The following LRRN1 variants were observed in gnomAD, a reference collection of about 807,000 sequenced individuals.
The protein encoded by LRRN1 is leucine-rich repeat neuronal protein 1.
LRRN1 carries 14 observed loss-of-function variants against 45.8 expected under a neutral mutation model. The ratio of observed to expected loss-of-function variants is 0.31; its 90% confidence interval spans 0.20 to 0.48. The LOEUF (loss-of-function observed/expected upper bound fraction) is 0.48. Among genes scored for constraint, LRRN1 ranks in the 20% least tolerant of loss-of-function variants. The probability of loss-of-function intolerance (pLI) is 0.99; values close to 1 mark genes in which losing one functional copy is unlikely to be tolerated. For synonymous variants in LRRN1, 359 were observed against 330.1 expected, an observed-to-expected ratio of 1.09 and a Z score of -0.95; for missense variants, 789 against 874.2, an observed-to-expected ratio of 0.90 and a Z score of 1.23.
Position 3,843,482 on chromosome 3 carries a change from A to G in LRRN1, c.-278-882A>G, listed in dbSNP as rs543612083. ...AACTGTGAATATTTAGAATATTCAC[A>G]GAATTGTGCAACCATCACCACAATC... On this transcript the variant is annotated intron_variant, in intron 1 of 1. Transcript: ENST00000319331. Among the ~76,000 whole-genome samples the G allele has an allele frequency of 3.9e-5, 6 of 152,324 alleles. No homozygotes were observed. The East Asian group carries it at 9.6e-4, about 24-fold the overall frequency.
Position 3,844,776 on chromosome 3 carries a change from C to G in LRRN1, c.135C>G (p.Thr45=). 4.3e-6 allele frequency: 7 copies of G among 1,614,074 alleles called. No individual in the cohort carries two copies. Among genetic ancestry groups the G allele is most frequent in the Non-Finnish European group, 5.9e-6 (7 of 1,180,000 alleles). Reference sequence around the variant, plus strand: ...TATGTGAAATTCGTCCCTGGTTTACCCCACAGTCAACTTACAGAGAAGCCA... The same window carrying G: ...TATGTGAAATTCGTCCCTGGTTTACGCCACAGTCAACTTACAGAGAAGCCA... The part of the protein sequence containing the change: ...LCVCEIRPWF[T]PQSTYREATT... The change falls in exon 2 of 2, where the codon ACC becomes ACG. Residue 45 remains threonine (T), a synonymous_variant. Coordinates refer to ENST00000319331, the MANE Select transcript of LRRN1 (RefSeq NM_020873.7).
At chr3:3,821,121 G>C (rs1693094549) in intron 1 of LRRN1, among the ~76,000 whole-genome samples, 1 of 152,216 alleles carries the variant, frequency 6.6e-6, no homozygotes, top group Non-Finnish European at 1.5e-5. Context: ...GCATGAGAAT[G>C]TGCATTCCCT....
intron 1 of LRRN1, among the ~76,000 whole-genome samples, chr3:3,807,872 C>G (rs747148322): frequency 3.3e-5 from 5 of 152,164 alleles, no homozygotes; most frequent in Admixed American, 1.3e-4. Flanking sequence ...GCCTAACCCC[C>G]CAAAGGACCA....
At position 3,799,452 on chromosome 3, in the gene LRRN1, G is replaced by C. The variant is rs1185764105; in HGVS notation, c.-746G>C. On this transcript the variant is annotated 5_prime_UTR_variant, in exon 1 of 2. Transcript: ENST00000319331. The stretch of plus-strand genomic sequence containing the variant: ...CGGGGAGCACAAAGCGGGGCGCACC[G>C]CGGGCGCCGGCAACGAGCCGGTGAA... 2.0e-5 allele frequency: 3 copies of C among 151,918 alleles called. No homozygotes were observed. Among genetic ancestry groups the C allele is most frequent in the Non-Finnish European group, 4.4e-5 (3 of 67,942 alleles). The allele number at this position is 151,918 out of a possible 1,614,324, so 9.4% of individuals were successfully genotyped here. A position where few individuals can be genotyped will look rare whatever the true frequency, so the allele number is the denominator to read the frequency against.
intron 1 of LRRN1, among the ~76,000 whole-genome samples, chr3:3,805,974 A>G (rs1388108521): frequency 6.6e-6 from 1 of 152,180 alleles, no homozygotes; most frequent in Non-Finnish European, 1.5e-5. Context: ...GTATTTATTG[A>G]GTGCTCTGTA....
chr3:3,830,328 A>G (rs1025766952), intron 1 of LRRN1, among the ~76,000 whole-genome samples: 1 of 152,224 alleles, frequency 6.6e-6, no homozygotes, highest in Non-Finnish European at 1.5e-5. Flanking sequence ...GTCCCTGACC[A>G]TCCAGCCAAA....
chr3:3,838,433 G>A (rs1242519755), intron 1 of LRRN1, among the ~76,000 whole-genome samples: 1 of 152,126 alleles, frequency 6.6e-6, no homozygotes, highest in Admixed American at 6.5e-5. Flanking sequence ...TTTGTCAATG[G>A]ACATTTGGGC....
intron 1 of LRRN1, among the ~76,000 whole-genome samples, chr3:3,826,494 C>T (rs964519547): frequency 2.6e-5 from 4 of 152,142 alleles, no homozygotes; most frequent in African/African-American, 7.2e-5. Flanking sequence ...AGATGTGTGG[C>T]CGCCCTGCTT....
rs759814840 is a variant in LRRN1 at position 3,846,599 on chromosome 3, C to T, written c.1958C>T (p.Ala653Val). Residue 653 changes from alanine to valine, a missense_variant, in exon 2 of 2, where the codon GCC becomes GTC. Ala to Val is a moderately conservative substitution (Grantham distance 64). Transcript: ENST00000319331. This position sits in a 1 kb window ranked among gnomAD's most constrained non-coding sequence, Gnocchi z 5.7. ...ISLASIAVYFAKRFKRKNYHH... is the reference protein window; with the variant it reads ...ISLASIAVYFVKRFKRKNYHH... ...CTTGCGTCCATTGCTGTGTACTTTGCCAAAAGATTTAAGAGAAAAAACTAC... is the reference window on the plus strand; with the variant it reads ...CTTGCGTCCATTGCTGTGTACTTTGTCAAAAGATTTAAGAGAAAAAACTAC... 4 of 1,613,842 alleles carry T rather than the reference C, an allele frequency of 2.5e-6. No homozygotes were observed. The African/African-American group carries it at 5.3e-5, about 22-fold the overall frequency.
intron 1 of LRRN1, chr3:3,801,104 G>C (rs1169031233): frequency 6.6e-6 from 1 of 152,344 alleles, no homozygotes; most frequent in African/African-American, 2.4e-5. Flanking sequence ...AGGAGAAGGG[G>C]ACCTCGCTTG....
chr3:3,847,571 A>T lies in LRRN1; in HGVS notation c.*779A>T, dbSNP rs1272378642. 6 of 167,070 alleles carry T rather than the reference A, an allele frequency of 3.6e-5. No homozygotes were observed. The highest frequency in any genetic ancestry group is 2.6e-4 in the Admixed American group (4 of 15,284). 10.3% of individuals were successfully genotyped at this position (167,070 alleles called of 1,614,324 possible). On this transcript the variant is annotated 3_prime_UTR_variant, in exon 2 of 2. Coordinates refer to ENST00000319331, the MANE Select transcript of LRRN1 (RefSeq NM_020873.7). ...TGTTTAACTCACCAACACGTGGTGT[A>T]TAATGAAGACAGAACTATAATAAAT...
chr3:3,837,944 TC>T (rs1299667273), intron 1 of LRRN1, among the ~76,000 whole-genome samples: 1 of 152,104 alleles, frequency 6.6e-6, no homozygotes, highest in Non-Finnish European at 1.5e-5. Context: ...GTCCATGTGT[TC>T]TCATTTTTCA....
chr3:3,845,127 T>G lies in LRRN1; in HGVS notation c.486T>G (p.Ala162=). ...AAATTAGCACTATTTCTGCTCATGC[T>G]TTTGCAGGCTTAAAAAATCTATTAA... is the stretch of plus-strand genomic sequence containing the variant. ...HNQISTISAH[A]FAGLKNLLRL... Residue 162 remains alanine (A), a synonymous_variant, in exon 2 of 2, where the codon GCT becomes GCG. Coordinates refer to ENST00000319331, the MANE Select transcript of LRRN1 (RefSeq NM_020873.7). The surrounding 1 kb of genome is among the most constrained non-coding windows in gnomAD (Gnocchi z 6.5). 1 of 1,614,176 alleles carries G rather than the reference T, an allele frequency of 6.2e-7. No homozygotes were observed.
intron 1 of LRRN1, among the ~76,000 whole-genome samples, chr3:3,811,850 T>C (rs1334697973): frequency 6.6e-6 from 1 of 152,138 alleles, no homozygotes; most frequent in African/African-American, 2.4e-5. Flanking sequence ...CAAATCAAAA[T>C]AATTAAGTGA....
At position 3,834,537 on chromosome 3, in the gene LRRN1, TATATATATATATATATG is replaced by T. The variant is rs1181072840; in HGVS notation, c.-278-9816_-278-9800del. 5.4e-5 allele frequency among the ~76,000 whole-genome samples: 6 copies of T among 111,022 alleles called. 1 individual carries two copies. Among genetic ancestry groups the T allele is most frequent in the South Asian group, 2.7e-4 (1 of 3,730 alleles). 72.8% of individuals were successfully genotyped at this position (111,022 alleles called of 152,430 possible). A position where few individuals can be genotyped will look rare whatever the true frequency, so the allele number is the denominator to read the frequency against. On this transcript the variant is annotated intron_variant, in intron 1 of 1. Coordinates refer to ENST00000319331, the MANE Select transcript of LRRN1 (RefSeq NM_020873.7). ...AGGGACAGAACAGGATATATATATA[TATATATATATATATATG>T]ATATATATATTATTATACATATTAT...
chr3:3,835,616 A>G (rs911020737), intron 1 of LRRN1, among the ~76,000 whole-genome samples: 1 of 150,642 alleles, frequency 6.6e-6, no homozygotes, highest in African/African-American at 2.4e-5. Context: ...AGTAACAGAA[A>G]TACAAATAAC....
chr3:3,824,979 G>A (rs1208911068), intron 1 of LRRN1, among the ~76,000 whole-genome samples: 2 of 152,102 alleles, frequency 1.3e-5, no homozygotes, highest in African/African-American at 4.8e-5. Flanking sequence ...TTCACAGGGA[G>A]GCTAGCCTGC....
chr3:3,834,552 A>ATATATATATATATATATG (rs1559302808), intron 1 of LRRN1, among the ~76,000 whole-genome samples: 1 of 121,446 alleles, frequency 8.2e-6, no homozygotes, highest in Admixed American at 8.7e-5. Flanking sequence ...ATATATATAT[A>ATATATATATATATATATG]TGATATATAT....
chr3:3,817,726 A>G (rs1002559803), intron 1 of LRRN1, among the ~76,000 whole-genome samples: 1 of 152,150 alleles, frequency 6.6e-6, no homozygotes, highest in Admixed American at 6.5e-5. Context: ...TGTTGTTAAA[A>G]TGTCAGATAA....
Sources: gnomAD v4.1 joint callset for allele counts (sites outside exome capture counted in the v4.1 genomes callset) on GRCh38, gnomAD v4.1.1 for gene constraint, Gnocchi (gnomAD v3.1) non-coding constraint, MANE v1.5 for transcripts, NCBI Gene and HGNC (gene_info 2026-07-23, HGNC 2026-07-21) for gene names.